PIGL: variants seen among roughly 807,000 people sequenced by gnomAD.
PIGL encodes the protein phosphatidylinositol glycan anchor biosynthesis class L, also known as N-acetylglucosaminyl-phosphatidylinositol de-N-acetylase.
In PIGL, 22 loss-of-function variants were observed where a neutral mutation model predicts 31.1. The ratio of observed to expected loss-of-function variants is 0.71; its 90% CI spans 0.51 to 1.01. The LOEUF (loss-of-function observed/expected upper bound fraction) is 1.01, where lower values mean the gene tolerates loss of function less well. PIGL is among the 50% of genes least tolerant of loss of function. The pLI is 0.00. For missense variants in PIGL, 302 were observed against 315.9 expected, an observed-to-expected ratio of 0.96 and a Z score of 0.33; for synonymous variants, 131 against 117.4, an observed-to-expected ratio of 1.12 and a Z score of -0.75.
chr17:16,241,229 C>T (rs1247389625), intron 2 of PIGL, among the ~76,000 whole-genome samples: 3 of 150,010 alleles, frequency 2.0e-5, no homozygotes, highest in African/African-American at 7.4e-5. Context: ...GGGTAGTTTG[C>T]AAAGGAGGAG....
chr17:16,300,179 G>T, intron 3 of PIGL: 1 of 550,672 alleles, frequency 1.8e-6, no homozygotes, highest in Non-Finnish European at 3.2e-6. Flanking sequence ...ACGATCTTGT[G>T]TGAGACTGAA....
At chr17:16,285,099 G>C (rs999370007) in intron 2 of PIGL, among the ~76,000 whole-genome samples, 5 of 152,150 alleles carry the variant, frequency 3.3e-5, no homozygotes, top group African/African-American at 1.2e-4. Context: ...GAGATTACAG[G>C]GGTGAGACAC....
At chr17:16,243,388 T>C (rs2092731178) in intron 2 of PIGL, among the ~76,000 whole-genome samples, 1 of 152,164 alleles carries the variant, frequency 6.6e-6, no homozygotes. Flanking sequence ...TTGGTGGGAA[T>C]TGATGTTCAC....
In PIGL at chr17:16,264,738, C is replaced by T. The variant is rs576892353; in HGVS notation, c.335+30668C>T. ...GGTTACTCACTGCAACCTCTGCCTC[C>T]CTGGTTCAAGTGATTCTCCTGCCTC... On this transcript the variant is annotated intron_variant, in intron 2 of 6. Transcript: ENST00000225609. Among the ~76,000 whole-genome samples, 30 of 151,852 alleles carry T rather than the reference C, an allele frequency of 2.0e-4. 1 individual carries two copies. Among genetic ancestry groups the T allele is most frequent in the African/African-American group, 7.0e-4 (29 of 41,394 alleles).
chr17:16,289,135 T>C (rs1342999848), intron 2 of PIGL, among the ~76,000 whole-genome samples: 1 of 152,082 alleles, frequency 6.6e-6, no homozygotes, highest in Non-Finnish European at 1.5e-5. Flanking sequence ...TGATTTGAGA[T>C]GTAAAGTGAT....
intron 6 of PIGL, among the ~76,000 whole-genome samples, chr17:16,321,455 A>T (rs1216731126): frequency 6.6e-6 from 1 of 150,974 alleles, no homozygotes; most frequent in Non-Finnish European, 1.5e-5. Flanking sequence ...GGTCAGGCTG[A>T]TCTTGAATTC....
chr17:16,240,684 A>G (rs904237731), intron 2 of PIGL, among the ~76,000 whole-genome samples: 1 of 150,808 alleles, frequency 6.6e-6, no homozygotes, highest in African/African-American at 2.4e-5. Context: ...TTTTTTCGGT[A>G]GAGATGGAGT....
chr17:16,234,496 G>A (rs112775829), intron 2 of PIGL, among the ~76,000 whole-genome samples: 4,746 of 152,086 alleles, frequency 0.031, 249 homozygotes, highest in African/African-American at 0.11. Context: ...GGGCACAGTG[G>A]CTTACGCCTG....
At chr17:16,317,333 C>T in intron 5 of PIGL, 1 of 973,456 alleles carries the variant, frequency 1.0e-6, no homozygotes, top group Non-Finnish European at 1.2e-6. Flanking sequence ...TCCTGTGAGA[C>T]AGGCAGGTCT....
intron 1 of PIGL, among the ~76,000 whole-genome samples, chr17:16,228,926 G>A (rs2092666013): frequency 6.6e-6 from 1 of 152,056 alleles, no homozygotes; most frequent in South Asian, 2.1e-4. Flanking sequence ...CCTGGCTTAT[G>A]CTAATTAGCA....
At chr17:16,325,729 G>A in intron 6 of PIGL, 71 bp from the exon 7 acceptor site, 1 of 1,114,150 alleles carries the variant, frequency 9.0e-7, no homozygotes. Context: ...AAGGTGCGGA[G>A]GCCAGATCTG....
intron 2 of PIGL, among the ~76,000 whole-genome samples, chr17:16,251,571 T>A (rs2092772024): frequency 2.0e-5 from 3 of 151,336 alleles, no homozygotes; most frequent in South Asian, 4.2e-4. Context: ...ACTAATCAGT[T>A]AAAGAGGGGG....
intron 1 of PIGL, among the ~76,000 whole-genome samples, chr17:16,218,585 T>G (rs1487597431): frequency 1.3e-5 from 2 of 152,168 alleles, no homozygotes; most frequent in Non-Finnish European, 2.9e-5. Context: ...TTATGTATTT[T>G]ATATTATTTC....
chr17:16,305,567 AAG>A (rs2093023007), intron 3 of PIGL, among the ~76,000 whole-genome samples: 1 of 152,226 alleles, frequency 6.6e-6, no homozygotes, highest in South Asian at 2.1e-4. Flanking sequence ...TTGCAACAGA[AAG>A]GGGGAAACTA....
chr17:16,300,871 C>G (rs1418257185), intron 3 of PIGL, among the ~76,000 whole-genome samples: 2 of 152,014 alleles, frequency 1.3e-5, no homozygotes, highest in African/African-American at 4.8e-5. Flanking sequence ...GCAATTAGAG[C>G]AATAGCAGAG....
chr17:16,228,707 G>T (rs1244889256), intron 1 of PIGL, among the ~76,000 whole-genome samples: 1 of 152,198 alleles, frequency 6.6e-6, no homozygotes, highest in Admixed American at 6.6e-5. Context: ...ATTTTTAAGT[G>T]TTCAATTCCA....
intron 3 of PIGL, among the ~76,000 whole-genome samples, chr17:16,305,458 A>C (rs1419575288): frequency 6.6e-6 from 1 of 152,204 alleles, no homozygotes; most frequent in African/African-American, 2.4e-5. Context: ...TTTAGGAAAA[A>C]ATAAAAGTGG....
intron 2 of PIGL, among the ~76,000 whole-genome samples, chr17:16,246,421 A>G (rs539328966): frequency 6.6e-6 from 1 of 151,222 alleles, no homozygotes; most frequent in African/African-American, 2.4e-5. Flanking sequence ...CTGACGCAGG[A>G]GAATCGCTTG....
chr17:16,295,653 T>A (rs2092978671), intron 2 of PIGL, among the ~76,000 whole-genome samples: 1 of 151,452 alleles, frequency 6.6e-6, no homozygotes, highest in Non-Finnish European at 1.5e-5. Context: ...CTCAAAAAAA[T>A]AAATTATCAG....
Sources: gnomAD v4.1 joint callset for allele counts (sites outside exome capture counted in the v4.1 genomes callset) on GRCh38, gnomAD v4.1.1 for gene constraint, MANE v1.5 for transcripts, NCBI Gene and HGNC (gene_info 2026-07-23, HGNC 2026-07-21) for gene names.